The following XDH variants were observed in gnomAD, a reference collection of about 807,000 sequenced individuals.
The protein encoded by XDH is xanthine dehydrogenase.
XDH carries 138 observed loss-of-function variants against 156.1 expected under a neutral mutation model. That is an observed-to-expected ratio of 0.88 (90% CI 0.77 to 1.02). The LOEUF (loss-of-function observed/expected upper bound fraction) is 1.02. Among genes scored for constraint, XDH ranks in the 50% least tolerant of loss-of-function variants. The pLI is 0.00. For missense variants in XDH, 1,849 were observed against 1,684.9 expected (o/e 1.10, Z -1.71); for synonymous variants, 669 against 625.7 (o/e 1.07, Z -1.03).
chr2:31,398,435 T>C, intron 5 of XDH, 138 bp downstream of exon 5: 15 of 1,505,658 alleles, frequency 1.0e-5, no homozygotes, highest in Non-Finnish European at 1.4e-5. Flanking sequence ...TAGCAGATCT[T>C]AGTCACCACC....
intron 27 of XDH, 70 bp downstream of exon 27, chr2:31,348,829 A>G: frequency 7.0e-7 from 1 of 1,420,604 alleles, no homozygotes; most frequent in South Asian, 1.2e-5. Flanking sequence ...TTTCCCTTGC[A>G]ATACTGTAAA....
chr2:31,408,802 G>A (rs545519222), intron 1 of XDH, among the ~76,000 whole-genome samples: 2 of 152,216 alleles, frequency 1.3e-5, no homozygotes, highest in Admixed American at 6.5e-5. Flanking sequence ...ACAAAAGAAA[G>A]GAAGTCAGTA....
chr2:31,337,057 ATTC>A (rs772648523), intron 35 of XDH, among the ~76,000 whole-genome samples: 12 of 151,796 alleles, frequency 7.9e-5, no homozygotes, highest in Admixed American at 2.0e-4. Context: ...TGACTACGGA[ATTC>A]TTCTACTACT....
chr2:31,382,003 C>G (rs1030257468), intron 11 of XDH, among the ~76,000 whole-genome samples: 2 of 152,156 alleles, frequency 1.3e-5, no homozygotes, highest in African/African-American at 4.8e-5. Context: ...TTCACCCAAC[C>G]TTTTCCCGAA....
In XDH at chr2:31,337,812, A is replaced by G; in HGVS notation, c.3780T>C (p.Val1260=). ...CAGCCAGGAAGAGGGGCGGCTCTCCAACAGCCTGAACACAGACAGGGCACA... is the reference window on the plus strand; with the variant it reads ...CAGCCAGGAAGAGGGGCGGCTCTCCGACAGCCTGAACACAGACAGGGCACA... ...NKKAIYASKA[V]GEPPLFLAAS... Residue 1260 remains valine, a synonymous_variant, in exon 35 of 36, where the codon GTT becomes GTC. Transcript: ENST00000379416. 1.2e-6 allele frequency: 2 copies of G among 1,614,074 alleles called. No individual in the cohort carries two copies. The highest frequency in any genetic ancestry group is 1.7e-4 in the Middle Eastern group (1 of 6,056).
chr2:31,413,014 C>T lies in XDH; in HGVS notation c.42+1611G>A, dbSNP rs188720225. 3.9e-5 allele frequency among the ~76,000 whole-genome samples: 6 copies of T among 152,260 alleles called. No individual in the cohort carries two copies. In the East Asian group the frequency reaches 1.2e-3, roughly 29 times the overall value. The stretch of plus-strand genomic sequence containing the variant: ...GTAAAATGCAAGGGAAAATAATTTT[C>T]CCCAAGCCAGATTTACCTTGAAATT... On this transcript the variant is annotated intron_variant, in intron 1 of 35. Transcript: ENST00000379416.
chr2:31,411,515 A>T (rs551984944), intron 1 of XDH, among the ~76,000 whole-genome samples: 1 of 152,280 alleles, frequency 6.6e-6, no homozygotes, highest in South Asian at 2.1e-4. Flanking sequence ...GTGGCAAAAC[A>T]TTAACAGTTG....
At chr2:31,343,312 A>ATATATATATATATATATATGCATGTT (rs1558675323) in intron 31 of XDH, among the ~76,000 whole-genome samples, 30 of 136,546 alleles carry the variant, frequency 2.2e-4, no homozygotes, top group East Asian at 4.1e-4. Flanking sequence ...ATATATATAT[A>ATATATATATATATATATATGCATGTT]TATATATATA....
Position 31,335,164 on chromosome 2 carries a change from C to G in XDH, c.*794G>C, listed in dbSNP as rs1300714798. 2 of 152,534 alleles carry G rather than the reference C, an allele frequency of 1.3e-5. No individual in the cohort carries two copies. The highest frequency in any genetic ancestry group is 2.9e-5 in the Non-Finnish European group (2 of 68,336). 9.4% of individuals were successfully genotyped at this position (152,534 alleles called of 1,614,324 possible). On this transcript the variant is annotated 3_prime_UTR_variant, in exon 36 of 36. Coordinates refer to ENST00000379416, the MANE Select transcript of XDH (RefSeq NM_000379.4). ...GGGATTATAGGGGTGAGCCACCATG[C>G]CAGGACTGATAGCATCATTTCTAGG...
intron 6 of XDH, among the ~76,000 whole-genome samples, chr2:31,391,676 G>C (rs1413446456): frequency 1.3e-5 from 2 of 152,160 alleles, no homozygotes; most frequent in Admixed American, 6.5e-5. Context: ...GTTCATCAGA[G>C]TTTTGTAGTT....
At chr2:31,386,266 G>A (rs899732348) in intron 9 of XDH, 148 bp downstream of exon 9, 2 of 1,100,048 alleles carry the variant, frequency 1.8e-6, no homozygotes, top group Non-Finnish European at 2.6e-6. Flanking sequence ...GAGTGTCCAG[G>A]GATTTCCAGT....
Position 31,335,765 on chromosome 2 carries a change from C to A in XDH, c.*193G>T, listed in dbSNP as rs147693897. Reference sequence around the variant, plus strand: ...TTTAGGCATAACAGTTTTGAATTTGCTTATCATTGTGTTTACAAATTACAT... The same window carrying A: ...TTTAGGCATAACAGTTTTGAATTTGATTATCATTGTGTTTACAAATTACAT... On this transcript the variant is annotated 3_prime_UTR_variant, in exon 36 of 36. Coordinates refer to ENST00000379416, the MANE Select transcript of XDH (RefSeq NM_000379.4). The A allele has an allele frequency of 1.4e-3, 932 of 661,948 alleles. 7 individuals carry two copies. In the African/African-American group the frequency reaches 0.016, roughly 11 times the overall value. The allele number at this position is 661,948 out of a possible 1,614,324, so 41.0% of individuals were successfully genotyped here. A position where few individuals can be genotyped will look rare whatever the true frequency, so the allele number is the denominator to read the frequency against.
chr2:31,374,567 C>T (rs1686174506), intron 15 of XDH, among the ~76,000 whole-genome samples: 1 of 152,122 alleles, frequency 6.6e-6, no homozygotes, highest in Non-Finnish European at 1.5e-5. Context: ...AACCAAAATA[C>T]TTGGCAGTGG....
chr2:31,381,270 A>G (rs1288133409), intron 12 of XDH, among the ~76,000 whole-genome samples: 1 of 152,196 alleles, frequency 6.6e-6, no homozygotes, highest in Non-Finnish European at 1.5e-5. Flanking sequence ...TGCTGGGATT[A>G]CAGGCATAAG....
intron 18 of XDH, among the ~76,000 whole-genome samples, chr2:31,369,100 T>C (rs1686002318): frequency 6.6e-6 from 1 of 152,148 alleles, no homozygotes; most frequent in East Asian, 1.9e-4. Context: ...ACCCCCAGTT[T>C]TATTTTCTTT....
chr2:31,354,182 G>A (rs1047386378), intron 24 of XDH, among the ~76,000 whole-genome samples: 6 of 152,148 alleles, frequency 3.9e-5, no homozygotes, highest in African/African-American at 1.4e-4. Flanking sequence ...ATCAACAAAG[G>A]CCAAGTGGAA....
At chr2:31,353,192 T>A (rs1685529662) in intron 24 of XDH, among the ~76,000 whole-genome samples, 1 of 152,194 alleles carries the variant, frequency 6.6e-6, no homozygotes. Flanking sequence ...AACAACTCAA[T>A]ATTCCAAGTT....
At chr2:31,397,766 G>A (rs1470903404) in intron 5 of XDH, 37 bp from the exon 6 acceptor site, 2 of 1,611,546 alleles carry the variant, frequency 1.2e-6, no homozygotes, top group East Asian at 4.5e-5. Flanking sequence ...GTCAGTGCAG[G>A]GCCCTGGGAT....
chr2:31,389,054 T>A (rs146151653), intron 6 of XDH, among the ~76,000 whole-genome samples: 1 of 152,274 alleles, frequency 6.6e-6, no homozygotes, highest in African/African-American at 2.4e-5. Context: ...AGCTCAGGGC[T>A]TCAGAAGACA....
Sources: allele counts gnomAD v4.1 joint callset (sites outside exome capture counted in the v4.1 genomes callset), GRCh38; gene constraint gnomAD v4.1.1; transcripts MANE v1.5; gene names NCBI Gene and HGNC (gene_info 2026-07-23, HGNC 2026-07-21).